ARB2A: variants seen among roughly 807,000 people sequenced by gnomAD.
ARB2A encodes cotranscriptional regulator ARB2A.
the ARB2A span, among the ~76,000 whole-genome samples, chr5:93,663,308 T>C: frequency 6.6e-6 from 1 of 152,208 alleles, no homozygotes; most frequent in Non-Finnish European, 1.5e-5. Context: ...AACATAAACT[T>C]TTCTATACAG....
At chr5:93,962,824 T>C in the ARB2A span, among the ~76,000 whole-genome samples, 5 of 152,252 alleles carry the variant, frequency 3.3e-5, no homozygotes, top group Non-Finnish European at 7.4e-5. Flanking sequence ...TCATATAAAG[T>C]AAATCTCTCT....
chr5:93,724,096 T>G, the ARB2A span, among the ~76,000 whole-genome samples: 2 of 151,966 alleles, frequency 1.3e-5, no homozygotes, highest in East Asian at 3.8e-4. Flanking sequence ...AAAAATAAAT[T>G]ACTAATTTCT....
chr5:93,720,897 A>G, the ARB2A span, among the ~76,000 whole-genome samples: 1 of 152,160 alleles, frequency 6.6e-6, no homozygotes, highest in Non-Finnish European at 1.5e-5. Context: ...TCATTGTGTG[A>G]TGCCTAACTA....
chr5:93,776,892 AG>A, the ARB2A span, among the ~76,000 whole-genome samples: 1 of 152,188 alleles, frequency 6.6e-6, no homozygotes, highest in Non-Finnish European at 1.5e-5. Context: ...ACTATAATTA[AG>A]GGAAAATAAA....
chr5:94,066,422 GCACACACACACA>G, the ARB2A span, among the ~76,000 whole-genome samples: 422 of 132,516 alleles, frequency 3.2e-3, 3 homozygotes, highest in African/African-American at 0.011. Context: ...GCCAGACTAA[GCACACACACACA>G]CACACACACA....
chr5:93,683,400 C>G, the ARB2A span: 1 of 1,602,722 alleles, frequency 6.2e-7, no homozygotes, highest in Non-Finnish European at 8.5e-7. Flanking sequence ...TGCACTGGCC[C>G]TGAACCACAC....
chr5:94,015,406 TCAATTTGAAAGA>T, the ARB2A span, among the ~76,000 whole-genome samples: 1 of 151,942 alleles, frequency 6.6e-6, no homozygotes, highest in African/African-American at 2.4e-5. Context: ...AGAGAGTTCT[TCAATTTGAAAGA>T]AAAAAAAAAC....
At chr5:94,107,220 T>C in the ARB2A span, among the ~76,000 whole-genome samples, 3 of 152,148 alleles carry the variant, frequency 2.0e-5, no homozygotes, top group Non-Finnish European at 4.4e-5. Flanking sequence ...ATTACGTATA[T>C]TACAAAAGAG....
the ARB2A span, among the ~76,000 whole-genome samples, chr5:93,689,631 A>AGAT: frequency 6.6e-6 from 1 of 152,154 alleles, no homozygotes; most frequent in African/African-American, 2.4e-5. Flanking sequence ...GATATGTGGC[A>AGAT]GATATTCAAA....
chr5:94,110,423 T>C, the ARB2A span, among the ~76,000 whole-genome samples: 1 of 152,194 alleles, frequency 6.6e-6, no homozygotes, highest in Non-Finnish European at 1.5e-5. Context: ...TTGGTACTAT[T>C]TATTCTACCA....
the ARB2A span, chr5:93,964,508 C>A: frequency 6.3e-7 from 1 of 1,581,146 alleles, no homozygotes; most frequent in African/African-American, 1.3e-5. Flanking sequence ...AGCTCATATA[C>A]ATACTTCGTG....
the ARB2A span, among the ~76,000 whole-genome samples, chr5:93,694,040 T>C: frequency 1.3e-5 from 2 of 152,132 alleles, no homozygotes; most frequent in African/African-American, 4.8e-5. Flanking sequence ...ATGGAATGTA[T>C]CTCAAAATAA....
chr5:94,055,481 A>G, the ARB2A span, among the ~76,000 whole-genome samples: 4 of 152,176 alleles, frequency 2.6e-5, no homozygotes, highest in African/African-American at 9.6e-5. Context: ...ATGCTTCATT[A>G]AAAGAACCAC....
At chr5:93,796,637 C>T in the ARB2A span, among the ~76,000 whole-genome samples, 6 of 152,132 alleles carry the variant, frequency 3.9e-5, no homozygotes, top group South Asian at 4.1e-4. Context: ...ACTTCTGTTC[C>T]CTGCAAGTGA....
At chr5:93,776,296 AT>A in the ARB2A span, 2 of 1,416,802 alleles carry the variant, frequency 1.4e-6, no homozygotes, top group South Asian at 1.3e-5. Flanking sequence ...CCAAGATGGA[AT>A]TTTTAGGGAG....
At chr5:94,055,727 A>G in the ARB2A span, 1 of 985,346 alleles carries the variant, frequency 1.0e-6, no homozygotes, top group African/African-American at 1.7e-5. Context: ...TGCAGTAGCC[A>G]GAATGTTCTC....
At chr5:93,931,254 T>C in the ARB2A span, among the ~76,000 whole-genome samples, 1 of 152,050 alleles carries the variant, frequency 6.6e-6, no homozygotes, top group Non-Finnish European at 1.5e-5. Context: ...TCATCTGAGG[T>C]CAGCAGTTTG....
chr5:93,737,961 T>C, the ARB2A span: 3 of 442,514 alleles, frequency 6.8e-6, no homozygotes, highest in African/African-American at 2.0e-5. Context: ...AAAGAAAAAA[T>C]GGATAAGCTG....
chr5:94,035,859 G>A, the ARB2A span, among the ~76,000 whole-genome samples: 1 of 152,024 alleles, frequency 6.6e-6, no homozygotes, highest in Non-Finnish European at 1.5e-5. Flanking sequence ...CCTGTCGGGG[G>A]GAGGAGGGGG....
Sources: gnomAD v4.1 joint callset for allele counts (sites outside exome capture counted in the v4.1 genomes callset) on GRCh38, gnomAD v4.1.1 for gene constraint, MANE v1.5 for transcripts, NCBI Gene and HGNC (gene_info 2026-07-23, HGNC 2026-07-21) for gene names.